Variants in FGF18 observed in about 807,000 individuals in gnomAD.
The protein encoded by FGF18 is fibroblast growth factor 18.
FGF18 carries 5 observed loss-of-function variants against 23.0 expected under a neutral mutation model. That is an observed-to-expected ratio of 0.22 (90% confidence interval 0.11 to 0.46). The LOEUF (loss-of-function observed/expected upper bound fraction) is 0.46. FGF18 is among the 20% of genes least tolerant of loss of function. The pLI is 0.99. For synonymous variants in FGF18, 117 were observed against 118.9 expected, an observed-to-expected ratio of 0.98 and a Z score of 0.10; for missense variants, 180 against 291.6, an observed-to-expected ratio of 0.62 and a Z score of 2.79.
chr5:171,453,743 G>A (rs908955918), intron 4 of FGF18, among the ~76,000 whole-genome samples: 14 of 152,152 alleles, frequency 9.2e-5, no homozygotes, highest in Non-Finnish European at 1.5e-4. Context: ...TAATGACTGA[G>A]TAGGGAGACC....
intron 2 of FGF18, among the ~76,000 whole-genome samples, chr5:171,429,679 TC>T (rs1772148651): frequency 6.6e-6 from 1 of 152,092 alleles, no homozygotes; most frequent in African/African-American, 2.4e-5. Context: ...AGGGAGACCC[TC>T]CCTTTCTGGG....
Position 171,420,217 on chromosome 5 carries a change from C to T in FGF18, c.18C>T (p.Ser6=). 6.4e-7 allele frequency: 1 copy of T among 1,561,628 alleles called. No homozygotes were observed. Among genetic ancestry groups the T allele is most frequent in the Non-Finnish European group, 8.6e-7 (1 of 1,157,328 alleles). The change falls in exon 1 of 5, where the codon TCC becomes TCT. Residue 6 remains serine, a synonymous_variant. Coordinates refer to ENST00000274625, the MANE Select transcript of FGF18 (RefSeq NM_003862.3). MYSAP[S]ACTCLCLHFL... ...GCCCAGCGATGTATTCAGCGCCCTC[C>T]GCCTGCACTTGCCTGTAAGCGCCCG...
rs1339940620 is a variant in FGF18 at position 171,451,661 on chromosome 5, C to T, written c.357+2408C>T. Among the ~76,000 whole-genome samples, 1 of 152,218 alleles carries T rather than the reference C, an allele frequency of 6.6e-6. No homozygotes were observed. The highest frequency in any genetic ancestry group is 1.5e-5 in the Non-Finnish European group (1 of 68,026). On this transcript the variant is annotated intron_variant, in intron 4 of 4. Transcript: ENST00000274625. This position sits in a 1 kb window ranked among gnomAD's most constrained non-coding sequence, Gnocchi z 4.5. The stretch of plus-strand genomic sequence containing the variant: ...CTCCACCCCCACCCAGCTCCAAACC[C>T]ATCCATGGGTCCTCCCACCTTGCTA...
intron 3 of FGF18, among the ~76,000 whole-genome samples, chr5:171,443,982 CTCT>C (rs1772383690): frequency 6.6e-6 from 1 of 151,892 alleles, no homozygotes; most frequent in South Asian, 2.1e-4. Flanking sequence ...GCCTTTTCTC[CTCT>C]TCATCAGATC....
At chr5:171,426,719 G>C (rs1251134295) in intron 2 of FGF18, among the ~76,000 whole-genome samples, 2 of 152,254 alleles carry the variant, frequency 1.3e-5, no homozygotes, top group Non-Finnish European at 1.5e-5. Context: ...CTCTCTCTCT[G>C]AGCTTTGATT....
chr5:171,421,463 G>T (rs1265348907), intron 2 of FGF18, among the ~76,000 whole-genome samples: 2 of 152,192 alleles, frequency 1.3e-5, no homozygotes, highest in Non-Finnish European at 2.9e-5. Context: ...CTTCCCCCTC[G>T]GTGGAAGGCA....
At chr5:171,428,250 G>A (rs1385023782) in intron 2 of FGF18, among the ~76,000 whole-genome samples, 1 of 152,148 alleles carries the variant, frequency 6.6e-6, no homozygotes, top group African/African-American at 2.4e-5. Context: ...GAGGTTTGAG[G>A]GAGAGGTTCT....
In FGF18 at chr5:171,436,070, A is replaced by T; in HGVS notation, c.70-23A>T. 3 of 1,503,118 alleles carry T rather than the reference A, an allele frequency of 2.0e-6. No homozygotes were observed. The highest frequency in any genetic ancestry group is 2.7e-6 in the Non-Finnish European group (3 of 1,118,808). 93.1% of individuals were successfully genotyped at this position (1,503,118 alleles called of 1,614,324 possible). Reference sequence around the variant, plus strand: ...GGGCCTGGGACATCTGGGGTGGCTTACTGTGTCCTTTTCCCTGCCCAGGTG... The same window carrying T: ...GGGCCTGGGACATCTGGGGTGGCTTTCTGTGTCCTTTTCCCTGCCCAGGTG... On this transcript the variant is annotated intron_variant, in intron 2 of 4. Transcript: ENST00000274625. The surrounding 1 kb of genome is among the most constrained non-coding windows in gnomAD (Gnocchi z 4.4).
intron 2 of FGF18, among the ~76,000 whole-genome samples, chr5:171,427,444 T>C (rs2113332509): frequency 6.6e-6 from 1 of 152,202 alleles, no homozygotes; most frequent in Admixed American, 6.5e-5. Flanking sequence ...CCAGTCTGAG[T>C]TGGGAGCACA....
In FGF18 at chr5:171,420,194, C is replaced by A; in HGVS notation, c.-6C>A. On this transcript the variant is annotated 5_prime_UTR_variant, in exon 1 of 5. Transcript: ENST00000274625. ...CTAGGAGCCGCCGCCTCCCTCCCGCCCAGCGATGTATTCAGCGCCCTCCGC... is the reference window on the plus strand; with the variant it reads ...CTAGGAGCCGCCGCCTCCCTCCCGCACAGCGATGTATTCAGCGCCCTCCGC... 1 of 1,545,454 alleles carries A rather than the reference C, an allele frequency of 6.5e-7. No homozygotes were observed. Among genetic ancestry groups the A allele is most frequent in the Non-Finnish European group, 8.7e-7 (1 of 1,150,144 alleles).
chr5:171,457,069 C>G lies in FGF18; in HGVS notation c.*264C>G. ...GTGCTTGTCTCTCTCTAGGAACAGA[C>G]AACTCTAAACTCGTCCCCAGAGGAG... On this transcript the variant is annotated 3_prime_UTR_variant, in exon 5 of 5. Coordinates refer to ENST00000274625, the MANE Select transcript of FGF18 (RefSeq NM_003862.3). The G allele has an allele frequency of 2.6e-6, 1 of 391,454 alleles. No individual in the cohort carries two copies. The highest frequency in any genetic ancestry group is 4.5e-6 in the Non-Finnish European group (1 of 221,094). 24.2% of individuals were successfully genotyped at this position (391,454 alleles called of 1,614,324 possible).
chr5:171,453,031 A>T (rs1772537872), intron 4 of FGF18, among the ~76,000 whole-genome samples: 1 of 152,130 alleles, frequency 6.6e-6, no homozygotes. Context: ...TAGGAAAGAG[A>T]TCAAATTCTG....
Position 171,449,025 on chromosome 5 carries a change from A to G in FGF18, c.251-122A>G, listed in dbSNP as rs1322358549. 4.9e-5 allele frequency: 35 copies of G among 718,430 alleles called. No individual in the cohort carries two copies. In the South Asian group the frequency reaches 5.0e-4, roughly 10 times the overall value. 44.5% of individuals were successfully genotyped at this position (718,430 alleles called of 1,614,324 possible). On this transcript the variant is annotated intron_variant, in intron 3 of 4. Transcript: ENST00000274625. ...CCTGTGGGACTTGTTAGGCCTCCCCATGCCTGATTTTGGGGGAGTGAGGGA... is the reference window on the plus strand; with the variant it reads ...CCTGTGGGACTTGTTAGGCCTCCCCGTGCCTGATTTTGGGGGAGTGAGGGA...
In FGF18 at chr5:171,436,539, A is replaced by G. The variant is rs1772249366; in HGVS notation, c.250+266A>G. On this transcript the variant is annotated intron_variant, in intron 3 of 4. Coordinates refer to ENST00000274625, the MANE Select transcript of FGF18 (RefSeq NM_003862.3). This position sits in a 1 kb window ranked among gnomAD's most constrained non-coding sequence, Gnocchi z 4.4. ...CCCCATAAGTCGCATTTGCTGTGGT[A>G]TCAGTGGCTTGCCTGGGATGGCCTA... 6.6e-6 allele frequency among the ~76,000 whole-genome samples: 1 copy of G among 152,218 alleles called. No homozygotes were observed. Among genetic ancestry groups the G allele is most frequent in the Non-Finnish European group, 1.5e-5 (1 of 68,040 alleles).
At chr5:171,422,054 G>A (rs1772018304) in intron 2 of FGF18, among the ~76,000 whole-genome samples, 1 of 152,192 alleles carries the variant, frequency 6.6e-6, no homozygotes, top group South Asian at 2.1e-4. Flanking sequence ...GGGGCAGGAG[G>A]GATGAAATGG....
At chr5:171,450,369 G>T (rs1015601627) in intron 4 of FGF18, among the ~76,000 whole-genome samples, 2 of 152,156 alleles carry the variant, frequency 1.3e-5, no homozygotes, top group African/African-American at 4.8e-5. Flanking sequence ...AATAATTACT[G>T]TCATAATAGC....
chr5:171,449,263 G>A lies in FGF18; in HGVS notation c.357+10G>A, dbSNP rs1397083885. On this transcript the variant is annotated intron_variant, in intron 4 of 4. Transcript: ENST00000274625. ...CAAGCTCGTGGGGAAGGTGAGTGAT[G>A]GTTTGGGATTCCCGGGAACTTCGGG... 2.5e-6 allele frequency: 4 copies of A among 1,605,624 alleles called. No individual in the cohort carries two copies. In the Admixed American group the frequency reaches 6.7e-5, roughly 27 times the overall value.
chr5:171,440,715 T>C lies in FGF18; in HGVS notation c.250+4442T>C, dbSNP rs1282018989. On this transcript the variant is annotated intron_variant, in intron 3 of 4. Transcript: ENST00000274625. This position sits in a 1 kb window ranked among gnomAD's most constrained non-coding sequence, Gnocchi z 4.0. The stretch of plus-strand genomic sequence containing the variant: ...GGGTAAAGGGTGTGCAGCTGGTACT[T>C]TGCAGCTTCCTCCAGCTCAGGCATG... Among the ~76,000 whole-genome samples the C allele has an allele frequency of 6.6e-6, 1 of 152,120 alleles. No homozygotes were observed. Among genetic ancestry groups the C allele is most frequent in the Non-Finnish European group, 1.5e-5 (1 of 68,010 alleles).
At chr5:171,441,082 GGGAGGAA>G (rs1189514414) in intron 3 of FGF18, among the ~76,000 whole-genome samples, 2 of 152,200 alleles carry the variant, frequency 1.3e-5, no homozygotes, top group Non-Finnish European at 2.9e-5. Flanking sequence ...GGCTCACACA[GGGAGGAA>G]GGTCGGGGCT....
Sources: gnomAD v4.1 joint callset for allele counts (sites outside exome capture counted in the v4.1 genomes callset) on GRCh38, gnomAD v4.1.1 for gene constraint, Gnocchi (gnomAD v3.1) non-coding constraint, MANE v1.5 for transcripts, NCBI Gene and HGNC (gene_info 2026-07-23, HGNC 2026-07-21) for gene names.